Variants in ABCC4 observed in about 807,000 individuals in gnomAD.
ABCC4 encodes ATP-binding cassette sub-family C member 4.
A neutral mutation model predicts 168.5 loss-of-function variants in ABCC4; 102 were observed. That is an observed-to-expected ratio of 0.61 (90% CI 0.52 to 0.71). The LOEUF (loss-of-function observed/expected upper bound fraction) is 0.71. Among genes scored for constraint, ABCC4 ranks in the 30% least tolerant of loss-of-function variants. The pLI, the probability that ABCC4 is intolerant of heterozygous loss-of-function variation, is 0.00. For synonymous variants in ABCC4, 617 were observed against 590.7 expected (o/e 1.04, Z -0.65); for missense variants, 1,402 against 1,605.8 (o/e 0.87, Z 2.17).
intron 4 of ABCC4, among the ~76,000 whole-genome samples, chr13:95,220,901 C>A (rs1376439311): frequency 5.3e-4 from 81 of 152,292 alleles, no homozygotes; most frequent in Non-Finnish European, 7.3e-5. Context: ...TTGCTCAGAG[C>A]AAGAAGCCAG....
chr13:95,053,068 T>C (rs767032587), intron 27 of ABCC4, 27 bp downstream of exon 27: 7 of 1,581,134 alleles, frequency 4.4e-6, no homozygotes. Context: ...GCTAACAGAC[T>C]AAAGATAATT....
At chr13:95,088,575 A>G (rs1171194081) in intron 20 of ABCC4, among the ~76,000 whole-genome samples, 3 of 152,206 alleles carry the variant, frequency 2.0e-5, no homozygotes, top group Non-Finnish European at 2.9e-5. Context: ...TTAGAAATGT[A>G]ACTAGAAATG....
chr13:95,125,403 C>A (rs978929355), intron 19 of ABCC4, among the ~76,000 whole-genome samples: 4 of 152,206 alleles, frequency 2.6e-5, no homozygotes, highest in Non-Finnish European at 5.9e-5. Flanking sequence ...TTGGCTATCA[C>A]TCCTGCTTAG....
chr13:95,022,072 C>T (rs2031119450), intron 30 of ABCC4, among the ~76,000 whole-genome samples: 1 of 152,170 alleles, frequency 6.6e-6, no homozygotes, highest in South Asian at 2.1e-4. Context: ...GTAAAATGAG[C>T]ACAATAGATT....
At chr13:95,078,202 A>G (rs1490247289) in intron 21 of ABCC4, among the ~76,000 whole-genome samples, 1 of 152,186 alleles carries the variant, frequency 6.6e-6, no homozygotes, top group Non-Finnish European at 1.5e-5. Context: ...CCACGAGTCC[A>G]CAGGGTTCTC....
At chr13:95,025,193 ACCACACACCC>A (rs796842369) in intron 30 of ABCC4, among the ~76,000 whole-genome samples, 5,232 of 99,098 alleles carry the variant, frequency 0.053, 469 homozygotes, top group African/African-American at 0.21. Context: ...ACACACCCAC[ACCACACACCC>A]CCACACCCCC....
At chr13:95,204,398 G>A (rs1357813051) in intron 8 of ABCC4, among the ~76,000 whole-genome samples, 1 of 152,028 alleles carries the variant, frequency 6.6e-6, no homozygotes, top group African/African-American at 2.4e-5. Context: ...TAATCCTCAC[G>A]TGTCAAGGGT....
At chr13:95,034,498 A>T (rs2032033306) in intron 30 of ABCC4, 107 bp downstream of exon 30, 3 of 1,417,210 alleles carry the variant, frequency 2.1e-6, no homozygotes, top group Non-Finnish European at 2.8e-6. Flanking sequence ...CTGCAGGCTT[A>T]TAATTGAAAA....
At chr13:95,142,035 C>T (rs895306553) in intron 19 of ABCC4, among the ~76,000 whole-genome samples, 1 of 152,158 alleles carries the variant, frequency 6.6e-6, no homozygotes, top group Non-Finnish European at 1.5e-5. Flanking sequence ...TGTGGAGATT[C>T]CTTACATAAC....
At chr13:95,264,499 A>G (rs7329490) in intron 1 of ABCC4, among the ~76,000 whole-genome samples, 13,680 of 152,206 alleles carry the variant, frequency 0.09, 1,325 homozygotes, top group African/African-American at 0.24. Flanking sequence ...CTCCGGATAC[A>G]ATGCACTGAG....
chr13:95,114,294 T>A (rs929687839), intron 20 of ABCC4, among the ~76,000 whole-genome samples: 6 of 152,136 alleles, frequency 3.9e-5, no homozygotes, highest in African/African-American at 1.4e-4. Flanking sequence ...CCTCCATATG[T>A]GAGACAAAGC....
intron 30 of ABCC4, among the ~76,000 whole-genome samples, chr13:95,025,086 C>T (rs527903629): frequency 6.6e-6 from 1 of 151,850 alleles, no homozygotes; most frequent in East Asian, 1.9e-4. Flanking sequence ...TGGTGAGGTC[C>T]TGACAGAAGA....
At chr13:95,221,402 T>A (rs2039306159) in intron 4 of ABCC4, among the ~76,000 whole-genome samples, 1 of 152,154 alleles carries the variant, frequency 6.6e-6, no homozygotes, top group African/African-American at 2.4e-5. Context: ...CTGATTTTTG[T>A]ATTTTTTGTA....
intron 20 of ABCC4, among the ~76,000 whole-genome samples, chr13:95,102,255 C>T (rs1029901781): frequency 1.3e-5 from 2 of 152,118 alleles, no homozygotes; most frequent in Admixed American, 6.5e-5. Flanking sequence ...AGTGATCTTC[C>T]GGACTCAGCC....
chr13:95,098,134 T>TTAAA (rs143541251), intron 20 of ABCC4, among the ~76,000 whole-genome samples: 7 of 114,120 alleles, frequency 6.1e-5, no homozygotes, highest in African/African-American at 1.3e-4. Flanking sequence ...AGATACTGTC[T>TTAAA]AAAAAAAAAA....
At chr13:95,217,261 T>G (rs2039142300) in intron 4 of ABCC4, among the ~76,000 whole-genome samples, 1 of 152,246 alleles carries the variant, frequency 6.6e-6, no homozygotes, top group East Asian at 1.9e-4. Context: ...CTTGATTATT[T>G]TAATCAGTGT....
rs138400078 is a variant in ABCC4 at position 95,160,676 on chromosome 13, A to T, written c.2455+513T>A. ...ATTAACCACATATTATCTTTCAGGGAAACCTCACAGTCAGGGTATGTACAA... is the reference window on the plus strand; with the variant it reads ...ATTAACCACATATTATCTTTCAGGGTAACCTCACAGTCAGGGTATGTACAA... On this transcript the variant is annotated intron_variant, in intron 19 of 30. Coordinates refer to ENST00000645237, the MANE Select transcript of ABCC4 (RefSeq NM_005845.5). Among the ~76,000 whole-genome samples the T allele has an allele frequency of 3.6e-3, 549 of 152,328 alleles. 1 individual carries two copies. The highest frequency in any genetic ancestry group is 0.013 in the African/African-American group (531 of 41,570).
chr13:95,283,658 C>T (rs1179048502), intron 1 of ABCC4, among the ~76,000 whole-genome samples: 1 of 152,094 alleles, frequency 6.6e-6, no homozygotes, highest in African/African-American at 2.4e-5. Context: ...TGGCTCACAC[C>T]TCTAATCCCA....
intron 25 of ABCC4, 23 bp from the exon 26 acceptor site, chr13:95,062,882 G>C: frequency 6.8e-7 from 1 of 1,468,852 alleles, no homozygotes; most frequent in Non-Finnish European, 8.9e-7. Flanking sequence ...CCAGGCGGCA[G>C]GATTAAAAAA....
Sources: allele counts gnomAD v4.1 joint callset (sites outside exome capture counted in the v4.1 genomes callset), GRCh38; gene constraint gnomAD v4.1.1; transcripts MANE v1.5; gene names NCBI Gene and HGNC (gene_info 2026-07-23, HGNC 2026-07-21).